The following NRL variants were observed in gnomAD, a reference collection of about 807,000 sequenced individuals.
NRL encodes the protein neural retina leucine zipper, also known as neural retina-specific leucine zipper protein.
Under a neutral mutation model 12.5 loss-of-function variants are expected in NRL, and 16 were observed. The ratio of observed to expected loss-of-function variants is 1.28; its 90% CI spans 0.87 to 1.95. NRL has a LOEUF of 1.95. Among genes scored for constraint, NRL ranks in the 30% most tolerant of loss-of-function variants. The pLI is 0.00. For synonymous variants in NRL, 142 were observed against 150.9 expected (o/e 0.94, Z 0.43); for missense variants, 314 against 325.8 (o/e 0.96, Z 0.28).
At position 24,094,554 on chromosome 14, in the gene NRL, G is replaced by A. The variant is rs866938943; in HGVS notation, c.-27-11679C>T. 3.5e-6 allele frequency: 5 copies of A among 1,441,742 alleles called. No individual in the cohort carries two copies. In the Middle Eastern group the frequency reaches 1.0e-3, roughly 289 times the overall value. 89.3% of individuals were successfully genotyped at this position (1,441,742 alleles called of 1,614,324 possible). ...AGGTTTCCCATCCTAGGCGGAGGCG[G>A]GCAGGGGCGACTGCTGTGGGTCCAG... On this transcript the variant is annotated intron_variant, in intron 1 of 2. Coordinates refer to ENST00000561028, the MANE Select transcript of NRL (RefSeq NM_001354768.3). The surrounding 1 kb of genome is among the most constrained non-coding windows in gnomAD (Gnocchi z 4.1).
Position 24,082,477 on chromosome 14 carries a change from C to G in NRL, c.372G>C (p.Gln124His). The G allele has an allele frequency of 1.9e-6, 3 of 1,612,606 alleles. No homozygotes were observed. The highest frequency in any genetic ancestry group is 2.5e-6 in the Non-Finnish European group (3 of 1,180,042). ...CTTGCTGACCACTCACCTGGACGTG[C>G]TGGGCTCCTGTCTCCTCTGGGCTCC... ...YPGSPEETGA[Q>H]HVQLAERFSD... The change falls in exon 2 of 3, where the codon CAG (glutamine) becomes CAC (histidine). Residue 124 changes from glutamine to histidine, a missense_variant. Transcript: ENST00000561028.
rs143639714 is a variant in NRL, at chr14:24,102,840, C to T, written c.-28+11882G>A. On this transcript the variant is annotated intron_variant, in intron 1 of 2. Transcript: ENST00000561028. ...ATCATGGACCCAGCCTGGGAGGCCC[C>T]AGAGGGTGTCCCCATTGACGCCATC... 1.3e-4 allele frequency: 211 copies of T among 1,613,992 alleles called. No homozygotes were observed. In the African/African-American group the frequency reaches 2.2e-3, roughly 17 times the overall value.
At chr14:24,083,069 A>G (rs2036369718) in intron 1 of NRL, among the ~76,000 whole-genome samples, 194 bp from the exon 2 acceptor site, 1 of 152,206 alleles carries the variant, frequency 6.6e-6, no homozygotes, top group South Asian at 2.1e-4. Context: ...GGCTCCTGAC[A>G]GGGGACAAGC....
At chr14:24,100,053 T>G in intron 1 of NRL, 5 of 1,613,680 alleles carry the variant, frequency 3.1e-6, no homozygotes, top group South Asian at 1.1e-5. Flanking sequence ...CTGGTACCTC[T>G]GCCACCACCA....
At chr14:24,099,108 G>C in intron 1 of NRL, 1 of 1,612,244 alleles carries the variant, frequency 6.2e-7, no homozygotes, top group Non-Finnish European at 8.5e-7. Context: ...CCACGTGCCC[G>C]ACCAGCGGGA....
At chr14:24,112,431 G>A (rs1313831814) in intron 1 of NRL, among the ~76,000 whole-genome samples, 1 of 148,588 alleles carries the variant, frequency 6.7e-6, no homozygotes, top group African/African-American at 2.5e-5. Context: ...TACCATCAGA[G>A]TGAACAGGCA....
At chr14:24,097,282 T>G in intron 1 of NRL, 2 of 757,694 alleles carry the variant, frequency 2.6e-6, no homozygotes, top group Non-Finnish European at 4.2e-6. Flanking sequence ...AACTGGGATT[T>G]GCTTACGCCT....
rs144382313 is a variant in NRL, at chr14:24,097,173, C to G, written c.-27-14298G>C. The G allele has an allele frequency of 6.9e-6, 11 of 1,600,256 alleles. No individual in the cohort carries two copies. In the East Asian group the frequency reaches 2.5e-4, roughly 36 times the overall value. ...GGCTCCACAACCTGCAGGATAGGTG[C>G]ACTGAGGCCACTTTGGGTTCACCAA... On this transcript the variant is annotated intron_variant, in intron 1 of 2. Transcript: ENST00000561028.
chr14:24,095,516 TA>T (rs1181040752), intron 1 of NRL: 14 of 293,628 alleles, frequency 4.8e-5, no homozygotes, highest in African/African-American at 3.0e-4. Flanking sequence ...TTCCCCAGGC[TA>T]ACACCCTCTG....
intron 1 of NRL, among the ~76,000 whole-genome samples, chr14:24,109,505 C>T (rs2037385868): frequency 6.6e-6 from 1 of 152,060 alleles, no homozygotes. Context: ...ACCATCCTGG[C>T]TAACATGGTG....
chr14:24,108,204 G>A (rs756934204), intron 1 of NRL, among the ~76,000 whole-genome samples: 8 of 152,244 alleles, frequency 5.3e-5, no homozygotes, highest in South Asian at 2.1e-4. Context: ...GGGAAATGGC[G>A]TTTTAAGACC....
At position 24,103,746 on chromosome 14, in the gene NRL, C is replaced by T. The variant is rs532946144; in HGVS notation, c.-28+10976G>A. The T allele has an allele frequency of 1.1e-5, 18 of 1,614,016 alleles. No individual in the cohort carries two copies. Among genetic ancestry groups the T allele is most frequent in the Middle Eastern group, 1.6e-4 (1 of 6,084 alleles). ...GCGGTTAGAGGGGGAGGACAGTGCCCGAGAGACACCCATTGGGCTGGTGCC... is the reference window on the plus strand; with the variant it reads ...GCGGTTAGAGGGGGAGGACAGTGCCTGAGAGACACCCATTGGGCTGGTGCC... On this transcript the variant is annotated intron_variant, in intron 1 of 2. Transcript: ENST00000561028.
chr14:24,095,292 C>G (rs1185465562), intron 1 of NRL: 2 of 451,866 alleles, frequency 4.4e-6, no homozygotes, highest in Non-Finnish European at 4.4e-6. Context: ...GAGCCAGGCT[C>G]CAGGGAGAGA....
chr14:24,094,645 C>T lies in NRL; in HGVS notation c.-27-11770G>A. The T allele has an allele frequency of 6.7e-7, 1 of 1,491,250 alleles. No individual in the cohort carries two copies. Among genetic ancestry groups the T allele is most frequent in the Non-Finnish European group, 8.9e-7 (1 of 1,121,834 alleles). 92.4% of individuals were successfully genotyped at this position (1,491,250 alleles called of 1,614,324 possible). The stretch of plus-strand genomic sequence containing the variant: ...TGCTCCTCGTTTCCGCCTGCACCTC[C>T]CCTTCTCTGCCTCGCTCGCCTCTGA... On this transcript the variant is annotated intron_variant, in intron 1 of 2. Transcript: ENST00000561028. This position sits in a 1 kb window ranked among gnomAD's most constrained non-coding sequence, Gnocchi z 4.1.
At chr14:24,111,731 T>C (rs1440639281) in intron 1 of NRL, among the ~76,000 whole-genome samples, 3 of 151,702 alleles carry the variant, frequency 2.0e-5, no homozygotes, top group African/African-American at 4.8e-5. Context: ...TTAAGGAGAT[T>C]TTGGGCTGAG....
rs540394410 is a variant in NRL, at chr14:24,079,791, G to T, written c.*1445C>A. ...GCTCCCAGCACAACGCCTGTGCTCT[G>T]CCCAGAGGCCCCATCTGCCCTCCCC... On this transcript the variant is annotated 3_prime_UTR_variant, in exon 3 of 3. Transcript: ENST00000561028. Among the ~76,000 whole-genome samples, 4 of 152,308 alleles carry T rather than the reference G, an allele frequency of 2.6e-5. No homozygotes were observed. The highest frequency in any genetic ancestry group is 9.6e-5 in the African/African-American group (4 of 41,570).
intron 2 of NRL, 119 bp downstream of exon 2, chr14:24,082,349 T>A (rs2036337478): frequency 7.8e-7 from 1 of 1,276,888 alleles, no homozygotes; most frequent in African/African-American, 1.5e-5. Context: ...CTTCTCCCCT[T>A]CTCCTGCCCT....
At chr14:24,099,502 A>C in intron 1 of NRL, 1 of 1,509,304 alleles carries the variant, frequency 6.6e-7, no homozygotes, top group Non-Finnish European at 8.9e-7. Flanking sequence ...CCCCATGCAG[A>C]CCATGCCCTG....
In NRL at chr14:24,114,817, G is replaced by A; in HGVS notation, c.-123C>T. The A allele has an allele frequency of 1.0e-6, 1 of 985,968 alleles. No individual in the cohort carries two copies. The highest frequency in any genetic ancestry group is 1.2e-6 in the Non-Finnish European group (1 of 829,952). The allele number at this position is 985,968 out of a possible 1,614,324, so 61.1% of individuals were successfully genotyped here. On this transcript the variant is annotated 5_prime_UTR_variant, in exon 1 of 3. Transcript: ENST00000561028. The stretch of plus-strand genomic sequence containing the variant: ...CCCGCCGGCCAGGAAGCCGCGAGAT[G>A]CGTGACGAGCGAAGCGCGTGACGGA...
Sources: allele counts gnomAD v4.1 joint callset (sites outside exome capture counted in the v4.1 genomes callset), GRCh38; gene constraint gnomAD v4.1.1; non-coding constraint Gnocchi (gnomAD v3.1); transcripts MANE v1.5; gene names NCBI Gene and HGNC (gene_info 2026-07-23, HGNC 2026-07-21).